Variants in EYS observed in about 807,000 individuals in gnomAD.
EYS encodes protein eyes shut homolog.
EYS carries 250 observed loss-of-function variants against 282.1 expected under a neutral mutation model. That is an observed-to-expected ratio of 0.89 (90% CI 0.80 to 0.98). EYS has a LOEUF of 0.98. Ranked by LOEUF, EYS falls within the 50% of genes least tolerant of loss-of-function variation. The pLI, the probability that EYS is intolerant of heterozygous loss-of-function variation, is 0.00. For missense variants in EYS, 4,016 were observed against 3,709.0 expected (o/e 1.08, Z -2.15); for synonymous variants, 1,355 against 1,282.9 (o/e 1.06, Z -1.20).
intron 11 of EYS, among the ~76,000 whole-genome samples, chr6:65,320,746 G>A (rs1487718257): frequency 2.0e-5 from 3 of 151,808 alleles, no homozygotes; most frequent in Non-Finnish European, 4.4e-5. Flanking sequence ...AGAGGTGCAG[G>A]TTAAACAGGT....
chr6:64,867,972 C>T (rs997616639), intron 19 of EYS, among the ~76,000 whole-genome samples: 1 of 151,282 alleles, frequency 6.6e-6, no homozygotes. Flanking sequence ...AATAAAAAGC[C>T]TGTGGATAAT....
At chr6:65,699,558 T>A (rs191777151) in intron 1 of EYS, among the ~76,000 whole-genome samples, 7 of 152,140 alleles carry the variant, frequency 4.6e-5, no homozygotes, top group Admixed American at 4.6e-4. Context: ...GACATGAACA[T>A]GTATAGTAGC....
At chr6:63,897,470 T>A (rs752049659) in intron 35 of EYS, among the ~76,000 whole-genome samples, 16 of 151,320 alleles carry the variant, frequency 1.1e-4, no homozygotes, top group Non-Finnish European at 1.8e-4. Context: ...ACCACAGAGA[T>A]AGAGATTGGA....
At chr6:64,906,693 C>G (rs1767836849) in intron 16 of EYS, among the ~76,000 whole-genome samples, 1 of 152,188 alleles carries the variant, frequency 6.6e-6, no homozygotes, top group Non-Finnish European at 1.5e-5. Flanking sequence ...TGTGAGGCAT[C>G]TTTGCCACAT....
chr6:64,235,679 T>G lies in EYS; in HGVS notation c.6192-4855A>C, dbSNP rs1471688105. ...GGAATCGCCACACTGACTTCCACAA[T>G]GGTTGAACTAGTTTACAGTCCCACC... On this transcript the variant is annotated intron_variant, in intron 30 of 42. Transcript: ENST00000503581. 2.6e-5 allele frequency among the ~76,000 whole-genome samples: 4 copies of G among 152,184 alleles called. No individual in the cohort carries two copies. In the South Asian group the frequency reaches 6.2e-4, roughly 24 times the overall value.
chr6:64,566,415 G>A (rs959275348), intron 26 of EYS, among the ~76,000 whole-genome samples: 1 of 152,176 alleles, frequency 6.6e-6, no homozygotes. Flanking sequence ...TACTCTTATT[G>A]TCATCATTAA....
At chr6:65,178,947 G>T (rs1765300027) in intron 12 of EYS, among the ~76,000 whole-genome samples, 1 of 152,050 alleles carries the variant, frequency 6.6e-6, no homozygotes, top group Admixed American at 6.6e-5. Flanking sequence ...TGAACAACCT[G>T]CTCCTGAATG....
chr6:63,725,404 A>C (rs1310157697), intron 42 of EYS, among the ~76,000 whole-genome samples: 1 of 152,084 alleles, frequency 6.6e-6, no homozygotes, highest in East Asian at 1.9e-4. Context: ...ATATACCTTG[A>C]TTTTCTGCCC....
At chr6:64,647,161 G>C (rs1357314122) in intron 22 of EYS, among the ~76,000 whole-genome samples, 1 of 152,114 alleles carries the variant, frequency 6.6e-6, no homozygotes, top group Non-Finnish European at 1.5e-5. Context: ...ATATAAAAAT[G>C]TAAATTACAT....
At chr6:64,001,897 G>A (rs1768111939) in intron 33 of EYS, among the ~76,000 whole-genome samples, 1 of 152,198 alleles carries the variant, frequency 6.6e-6, no homozygotes, top group African/African-American at 2.4e-5. Context: ...GGGTAGAGAA[G>A]GGCAGGGTCC....
At chr6:65,289,463 C>T (rs1768462000) in intron 12 of EYS, among the ~76,000 whole-genome samples, 1 of 150,934 alleles carries the variant, frequency 6.6e-6, no homozygotes, top group African/African-American at 2.4e-5. Flanking sequence ...GAGGACTACT[C>T]CCAAATATGT....
rs1323007708 is a variant in EYS at position 63,950,196 on chromosome 6, A to G, written c.7055+34187T>C. On this transcript the variant is annotated intron_variant, in intron 35 of 42. Coordinates refer to ENST00000503581, the MANE Select transcript of EYS (RefSeq NM_001142800.2). ...CAAAAAACAAAAACAAAACAAAACA[A>G]AAAAAAAAAACAAAAAAAACAAAAC... is the stretch of plus-strand genomic sequence containing the variant. 2.1e-5 allele frequency among the ~76,000 whole-genome samples: 3 copies of G among 142,706 alleles called. No homozygotes were observed. In the East Asian group the frequency reaches 6.2e-4, roughly 30 times the overall value. 93.6% of individuals were successfully genotyped at this position (142,706 alleles called of 152,430 possible). A position where few individuals can be genotyped will look rare whatever the true frequency, so the allele number is the denominator to read the frequency against.
Position 65,564,230 on chromosome 6 carries a change from T to C in EYS, c.-332-68237A>G, listed in dbSNP as rs891911621. Among the ~76,000 whole-genome samples, 10 of 152,116 alleles carry C rather than the reference T, an allele frequency of 6.6e-5. 1 individual carries two copies. The highest frequency in any genetic ancestry group is 1.7e-4 in the African/African-American group (7 of 41,416). ...ATTTATAGATTCAATGTTATCCCCA[T>C]TAAGTAATCATTGACTTTCTTCAAA... is the stretch of plus-strand genomic sequence containing the variant. On this transcript the variant is annotated intron_variant, in intron 2 of 42. Transcript: ENST00000503581.
intron 1 of EYS, among the ~76,000 whole-genome samples, chr6:65,659,364 C>A (rs1376582323): frequency 6.6e-6 from 1 of 151,556 alleles, no homozygotes; most frequent in African/African-American, 2.4e-5. Context: ...ACATATTAAG[C>A]ACTTTATGAA....
At chr6:65,333,632 A>G (rs1361642269) in intron 11 of EYS, among the ~76,000 whole-genome samples, 4 of 151,612 alleles carry the variant, frequency 2.6e-5, no homozygotes, top group African/African-American at 9.7e-5. Flanking sequence ...AAAGTAGAAT[A>G]TTAGAGCCTC....
At chr6:65,053,310 A>T (rs17409951) in intron 13 of EYS, among the ~76,000 whole-genome samples, 28,188 of 151,710 alleles carry the variant, frequency 0.19, 2,694 homozygotes, top group Middle Eastern at 0.26. Flanking sequence ...TTACAATTTC[A>T]TGTATTTGCT....
intron 31 of EYS, among the ~76,000 whole-genome samples, chr6:64,104,607 A>G (rs1018999029): frequency 6.6e-6 from 1 of 151,764 alleles, no homozygotes; most frequent in East Asian, 1.9e-4. Context: ...GTGTCTTACT[A>G]TAGTAGTCAG....
chr6:64,396,073 C>A (rs1347940185), intron 28 of EYS, among the ~76,000 whole-genome samples: 1 of 151,670 alleles, frequency 6.6e-6, no homozygotes, highest in Non-Finnish European at 1.5e-5. Flanking sequence ...CACACATGCA[C>A]AGACACACAC....
chr6:64,862,866 A>G (rs759254961), intron 19 of EYS, among the ~76,000 whole-genome samples: 6 of 152,114 alleles, frequency 3.9e-5, no homozygotes, highest in Non-Finnish European at 8.8e-5. Flanking sequence ...ATTCAAATAT[A>G]ATTTGGCTAC....
Sources: gnomAD v4.1 joint callset for allele counts (sites outside exome capture counted in the v4.1 genomes callset) on GRCh38, gnomAD v4.1.1 for gene constraint, MANE v1.5 for transcripts, NCBI Gene and HGNC (gene_info 2026-07-23, HGNC 2026-07-21) for gene names.